TMEM51: variants seen among roughly 807,000 people sequenced by gnomAD.
TMEM51 encodes the protein chromosome 1 open reading frame 72.
Under a neutral mutation model 13.6 loss-of-function variants are expected in TMEM51, and 8 were observed. The observed-to-expected ratio is 0.59, with a 90% CI of 0.35 to 1.07. The LOEUF is 1.07. Ranked by LOEUF, TMEM51 falls within the 50% of genes least tolerant of loss-of-function variation. The pLI, the probability that TMEM51 is intolerant of heterozygous loss-of-function variation, is 0.02. For synonymous variants in TMEM51, 147 were observed against 144.4 expected (o/e 1.02, Z -0.13); for missense variants, 279 against 330.7 (o/e 0.84, Z 1.21).
intron 1 of TMEM51, among the ~76,000 whole-genome samples, chr1:15,159,222 T>C (rs1043748522): frequency 6.6e-6 from 1 of 151,976 alleles, no homozygotes; most frequent in African/African-American, 2.4e-5. Context: ...TCGTCTAGCC[T>C]CCTCAATTCC....
chr1:15,169,623 T>C (rs1206106116), intron 1 of TMEM51, among the ~76,000 whole-genome samples: 4 of 152,174 alleles, frequency 2.6e-5, no homozygotes, highest in Non-Finnish European at 5.9e-5. Flanking sequence ...AAAGATTTTT[T>C]CCCAGTTGAA....
chr1:15,211,835 C>G lies in TMEM51; in HGVS notation c.-194+1273C>G, dbSNP rs867621508. 5.6e-4 allele frequency among the ~76,000 whole-genome samples: 69 copies of G among 122,726 alleles called. 4 individuals carry two copies. The highest frequency in any genetic ancestry group is 1.0e-3 in the African/African-American group (35 of 33,544). 80.5% of individuals were successfully genotyped at this position (122,726 alleles called of 152,430 possible). On this transcript the variant is annotated intron_variant, in intron 2 of 3. Coordinates refer to ENST00000376008, the MANE Select transcript of TMEM51 (RefSeq NM_001136218.2). ...TCTGAAAGGTGACCCCCCCCCCCCC[C>G]CCGGGATTTTTACATACGTGTGTAT...
intron 1 of TMEM51, among the ~76,000 whole-genome samples, chr1:15,186,202 T>G (rs1477666516): frequency 6.6e-6 from 1 of 151,732 alleles, no homozygotes; most frequent in Non-Finnish European, 1.5e-5. Context: ...CGTGAAGGAG[T>G]CTGGTCTTTG....
In TMEM51 at chr1:15,175,573, G is replaced by A. The variant is rs184071389; in HGVS notation, c.-267+21619G>A. Among the ~76,000 whole-genome samples the A allele has an allele frequency of 4.2e-4, 64 of 152,284 alleles. No homozygotes were observed. In the East Asian group the frequency reaches 6.9e-3, roughly 17 times the overall value. ...TCATGTGGCTAATAAAGACATACCC[G>A]AGACTGGGTAATTTACAAAGGAAAG... is the stretch of plus-strand genomic sequence containing the variant. On this transcript the variant is annotated intron_variant, in intron 1 of 3. Transcript: ENST00000376008.
intron 3 of TMEM51, among the ~76,000 whole-genome samples, chr1:15,218,866 CA>C (rs1644468024): frequency 6.6e-6 from 1 of 152,160 alleles, no homozygotes; most frequent in Non-Finnish European, 1.5e-5. Flanking sequence ...CCTTAATTTG[CA>C]TGTGACTAAA....
chr1:15,182,568 C>A (rs114473461), intron 1 of TMEM51, among the ~76,000 whole-genome samples: 56 of 152,314 alleles, frequency 3.7e-4, no homozygotes, highest in Non-Finnish European at 7.2e-4. Flanking sequence ...AAAATTGAGG[C>A]CCCATGTTCT....
chr1:15,217,470 AG>A (rs1644448778), intron 3 of TMEM51, among the ~76,000 whole-genome samples: 1 of 152,230 alleles, frequency 6.6e-6, no homozygotes, highest in Non-Finnish European at 1.5e-5. Flanking sequence ...ACACAGAACC[AG>A]GGGGATATAT....
Position 15,178,371 on chromosome 1 carries a change from C to T in TMEM51, c.-267+24417C>T, listed in dbSNP as rs1158411215. Among the ~76,000 whole-genome samples the T allele has an allele frequency of 2.0e-5, 3 of 152,142 alleles. No homozygotes were observed. The East Asian group carries it at 5.8e-4, about 29-fold the overall frequency. On this transcript the variant is annotated intron_variant, in intron 1 of 3. Transcript: ENST00000376008. ...CCTCAGAGTCCTCTTGGGTCCACACCCCAGGATGAGGACTCTGAGGCTTTA... is the reference window on the plus strand; with the variant it reads ...CCTCAGAGTCCTCTTGGGTCCACACTCCAGGATGAGGACTCTGAGGCTTTA...
chr1:15,187,828 C>A (rs1351658103), intron 1 of TMEM51, among the ~76,000 whole-genome samples: 1 of 152,042 alleles, frequency 6.6e-6, no homozygotes. Flanking sequence ...CAGCCATCCT[C>A]AAAACACCCC....
chr1:15,182,035 C>T (rs1442808971), intron 1 of TMEM51, among the ~76,000 whole-genome samples: 1 of 151,964 alleles, frequency 6.6e-6, no homozygotes, highest in African/African-American at 2.4e-5. Flanking sequence ...GTGGTGTGCA[C>T]CTGTAATCCC....
At chr1:15,215,527 A>G in intron 3 of TMEM51, 96 bp downstream of exon 3, 1 of 1,148,114 alleles carries the variant, frequency 8.7e-7, no homozygotes, top group Non-Finnish European at 1.2e-6. Context: ...AAAGACTGTC[A>G]TCTACAGGCT....
At chr1:15,193,586 T>G (rs1016450603) in intron 1 of TMEM51, among the ~76,000 whole-genome samples, 1 of 146,224 alleles carries the variant, frequency 6.8e-6, no homozygotes, top group African/African-American at 2.6e-5. Context: ...TTTTTTTTTT[T>G]TTTTTTTTTG....
In TMEM51 at chr1:15,214,954, G is replaced by C; in HGVS notation, c.-134G>C. 8 of 872,778 alleles carry C rather than the reference G, an allele frequency of 9.2e-6. No individual in the cohort carries two copies. The South Asian group carries it at 1.2e-4, about 14-fold the overall frequency. The allele number at this position is 872,778 out of a possible 1,614,324, so 54.1% of individuals were successfully genotyped here. On this transcript the variant is annotated 5_prime_UTR_variant, in exon 3 of 4. Coordinates refer to ENST00000376008, the MANE Select transcript of TMEM51 (RefSeq NM_001136218.2). ...CGCGATTGCTCGGAACCATCCCGCA[G>C]GAGTTCAGCTGATATTTTCTAGTGT... is the stretch of plus-strand genomic sequence containing the variant.
intron 1 of TMEM51, among the ~76,000 whole-genome samples, chr1:15,187,038 C>T (rs1431958916): frequency 6.6e-6 from 1 of 152,148 alleles, no homozygotes; most frequent in African/African-American, 2.4e-5. Flanking sequence ...GATGGGCCAT[C>T]TCTACACAAA....
At chr1:15,208,506 C>T (rs966066532) in intron 1 of TMEM51, among the ~76,000 whole-genome samples, 6 of 152,024 alleles carry the variant, frequency 3.9e-5, no homozygotes, top group Non-Finnish European at 8.8e-5. Flanking sequence ...TGGTGTGCAC[C>T]TGTAATCCCA....
chr1:15,180,325 C>T (rs893765609), intron 1 of TMEM51, among the ~76,000 whole-genome samples: 1 of 152,238 alleles, frequency 6.6e-6, no homozygotes, highest in Non-Finnish European at 1.5e-5. Context: ...GACAAAGGCT[C>T]CTCAGTCACC....
chr1:15,170,979 C>T (rs1307747245), intron 1 of TMEM51, among the ~76,000 whole-genome samples: 4 of 152,058 alleles, frequency 2.6e-5, no homozygotes, highest in Admixed American at 6.5e-5. Flanking sequence ...CCGCCCGCCT[C>T]GGCCTCCCTA....
intron 1 of TMEM51, among the ~76,000 whole-genome samples, chr1:15,168,092 ATGCTTTTAGATGC>A (rs1010133724): frequency 6.6e-6 from 1 of 152,170 alleles, no homozygotes; most frequent in African/African-American, 2.4e-5. Flanking sequence ...GCATATAATG[ATGCTTTTAGATGC>A]TGCTTTTAGA....
chr1:15,157,225 G>A (rs1050069313), intron 1 of TMEM51, among the ~76,000 whole-genome samples: 2 of 152,126 alleles, frequency 1.3e-5, no homozygotes, highest in East Asian at 3.9e-4. Context: ...CTCAGCTCCC[G>A]TCTCAAGACT....
Sources: allele counts gnomAD v4.1 joint callset (sites outside exome capture counted in the v4.1 genomes callset), GRCh38; gene constraint gnomAD v4.1.1; transcripts MANE v1.5; gene names NCBI Gene and HGNC (gene_info 2026-07-23, HGNC 2026-07-21).